Variants in RBFOX1 observed in about 807,000 individuals in gnomAD.
The protein encoded by RBFOX1 is RNA binding fox-1 homolog 1.
RBFOX1 carries 8 observed loss-of-function variants against 57.7 expected under a neutral mutation model. The observed-to-expected ratio is 0.14, with a 90% CI of 0.08 to 0.25. RBFOX1 has a LOEUF of 0.25. Ranked by LOEUF, RBFOX1 falls within the 10% of genes least tolerant of loss-of-function variation. The pLI is 1.00. For missense variants in RBFOX1, 611 were observed against 548.5 expected (o/e 1.11, Z -1.14); for synonymous variants, 326 against 222.4 (o/e 1.47, Z -4.15).
intron 1 of RBFOX1, among the ~76,000 whole-genome samples, chr16:6,021,735 G>A (rs917136567): frequency 1.3e-5 from 2 of 152,206 alleles, no homozygotes; most frequent in East Asian, 1.9e-4. Context: ...TTCTGGATCC[G>A]TTATCTGCCA....
intron 3 of RBFOX1, among the ~76,000 whole-genome samples, chr16:6,843,430 T>C (rs888049896): frequency 6.6e-5 from 10 of 152,190 alleles, no homozygotes; most frequent in Admixed American, 2.0e-4. Context: ...GGCTTACACC[T>C]GTAATCCCAG....
chr16:6,413,524 A>C (rs1366867812), intron 2 of RBFOX1, among the ~76,000 whole-genome samples: 1 of 152,170 alleles, frequency 6.6e-6, no homozygotes, highest in Non-Finnish European at 1.5e-5. Flanking sequence ...CTATCATTGC[A>C]AATGACTGTT....
chr16:7,321,980 G>A (rs541405170), intron 4 of RBFOX1, among the ~76,000 whole-genome samples: 1 of 152,296 alleles, frequency 6.6e-6, no homozygotes, highest in Non-Finnish European at 1.5e-5. Context: ...TTGGTTCTGG[G>A]TCCCTCACAT....
chr16:6,581,280 G>C (rs998051854), intron 2 of RBFOX1, among the ~76,000 whole-genome samples: 1 of 152,192 alleles, frequency 6.6e-6, no homozygotes, highest in African/African-American at 2.4e-5. Flanking sequence ...CTCCTGCACA[G>C]GGTTCTGTGT....
chr16:7,304,253 C>T (rs997171310), intron 4 of RBFOX1: 1 of 981,454 alleles, frequency 1.0e-6, no homozygotes, highest in African/African-American at 1.8e-5. Context: ...AGAGACAGCG[C>T]GAGCCACCGG....
intron 4 of RBFOX1, among the ~76,000 whole-genome samples, chr16:7,282,160 G>A (rs1476891450): frequency 6.6e-6 from 1 of 152,132 alleles, no homozygotes; most frequent in Non-Finnish European, 1.5e-5. Context: ...ACTGTACCTG[G>A]CCGACTAAAG....
chr16:6,562,601 A>G (rs1394842193), intron 2 of RBFOX1, among the ~76,000 whole-genome samples: 1 of 152,182 alleles, frequency 6.6e-6, no homozygotes, highest in African/African-American at 2.4e-5. Flanking sequence ...GTGGTTGTGC[A>G]AGTTTCTAAA....
intron 3 of RBFOX1, among the ~76,000 whole-genome samples, chr16:6,693,477 C>G (rs372301404): frequency 6.6e-6 from 1 of 151,838 alleles, no homozygotes; most frequent in African/African-American, 2.4e-5. Context: ...CCATCATCCT[C>G]CTCCACTACC....
intron 1 of RBFOX1, among the ~76,000 whole-genome samples, chr16:6,149,742 G>C (rs1368387364): frequency 6.6e-6 from 1 of 152,174 alleles, no homozygotes; most frequent in East Asian, 1.9e-4. Context: ...TTACCTTTAA[G>C]ACTGGAGAAA....
At chr16:6,307,689 A>T (rs533234893) in intron 1 of RBFOX1, among the ~76,000 whole-genome samples, 3 of 147,362 alleles carry the variant, frequency 2.0e-5, no homozygotes, top group African/African-American at 7.3e-5. Flanking sequence ...ATTTTTATAA[A>T]TGATAATCAT....
chr16:6,840,628 C>T (rs1441047416), intron 3 of RBFOX1, among the ~76,000 whole-genome samples: 1 of 152,004 alleles, frequency 6.6e-6, no homozygotes, highest in Non-Finnish European at 1.5e-5. Context: ...GTGGCTCATA[C>T]CCATAACCCC....
chr16:7,539,321 C>T (rs1409470926), intron 5 of RBFOX1, among the ~76,000 whole-genome samples: 1 of 152,138 alleles, frequency 6.6e-6, no homozygotes, highest in Non-Finnish European at 1.5e-5. Context: ...CAAGAGAAGA[C>T]AGTGGGAGCA....
At chr16:7,370,740 C>T (rs143159969) in intron 4 of RBFOX1, among the ~76,000 whole-genome samples, 4 of 152,140 alleles carry the variant, frequency 2.6e-5, no homozygotes, top group Non-Finnish European at 5.9e-5. Context: ...TTTAGGTACC[C>T]GAGGTTTTGG....
chr16:5,565,742 T>C (rs191406066), intron 2 of RBFOX1, among the ~76,000 whole-genome samples: 2 of 152,280 alleles, frequency 1.3e-5, no homozygotes, highest in African/African-American at 4.8e-5. Context: ...TGGAATCTCC[T>C]CTGTAGCCAT....
chr16:6,967,080 C>T (rs1198662369), intron 3 of RBFOX1, among the ~76,000 whole-genome samples: 3 of 152,112 alleles, frequency 2.0e-5, no homozygotes, highest in Non-Finnish European at 1.5e-5. Flanking sequence ...TACATTCATC[C>T]ACCCATCATT....
At chr16:6,878,727 G>T (rs1256292961) in intron 3 of RBFOX1, among the ~76,000 whole-genome samples, 2 of 152,136 alleles carry the variant, frequency 1.3e-5, no homozygotes, top group Non-Finnish European at 2.9e-5. Flanking sequence ...GCAAGAAATG[G>T]AAACCTGATA....
intron 3 of RBFOX1, among the ~76,000 whole-genome samples, chr16:6,826,169 T>G (rs1005033760): frequency 6.6e-6 from 1 of 152,104 alleles, no homozygotes; most frequent in Non-Finnish European, 1.5e-5. Flanking sequence ...AAGACAGGAC[T>G]CATCGTCGCC....
chr16:6,145,596 C>A (rs9929821), intron 1 of RBFOX1, among the ~76,000 whole-genome samples: 4,699 of 152,158 alleles, frequency 0.031, 269 homozygotes, highest in African/African-American at 0.11. Flanking sequence ...TGGCATATTT[C>A]ATTTTATCCA....
At chr16:5,327,759 T>A (rs1356671902) in intron 1 of RBFOX1, among the ~76,000 whole-genome samples, 1 of 152,204 alleles carries the variant, frequency 6.6e-6, no homozygotes, top group African/African-American at 2.4e-5. Context: ...CTTACCTCAT[T>A]AAGCCAAGCG....
Sources: gnomAD v4.1 joint callset for allele counts (sites outside exome capture counted in the v4.1 genomes callset) on GRCh38, gnomAD v4.1.1 for gene constraint, MANE v1.5 for transcripts, NCBI Gene and HGNC (gene_info 2026-07-23, HGNC 2026-07-21) for gene names.